NRG1: variants seen among roughly 807,000 people sequenced by gnomAD.
NRG1 encodes the protein neuregulin 1.
In NRG1, 18 loss-of-function variants were observed where a neutral mutation model predicts 63.8. The ratio of observed to expected loss-of-function variants is 0.28; its 90% CI spans 0.19 to 0.42. NRG1 has a LOEUF of 0.42. NRG1 is among the 10% of genes least tolerant of loss of function. NRG1 has a pLI of 1.00. For missense variants in NRG1, 762 were observed against 814.7 expected (o/e 0.94, Z 0.79); for synonymous variants, 302 against 301.3 (o/e 1.00, Z -0.02).
At chr8:32,474,309 A>C (rs1824207901) in intron 1 of NRG1, among the ~76,000 whole-genome samples, 1 of 152,192 alleles carries the variant, frequency 6.6e-6, no homozygotes, top group African/African-American at 2.4e-5. Context: ...TATGGTAAGA[A>C]GAGTTTTTCT....
intron 1 of NRG1, among the ~76,000 whole-genome samples, chr8:32,277,064 C>T (rs1448711146): frequency 1.3e-5 from 2 of 152,198 alleles, no homozygotes; most frequent in East Asian, 1.9e-4. Flanking sequence ...TCATCTGCCT[C>T]ATTCCTGAAT....
At chr8:31,871,650 CA>C (rs1281528902) in intron 1 of NRG1, among the ~76,000 whole-genome samples, 1 of 151,630 alleles carries the variant, frequency 6.6e-6, no homozygotes, top group Admixed American at 6.6e-5. Context: ...CAAAACAAAC[CA>C]AAAAAACTGC....
At chr8:32,502,342 G>A (rs73579862) in intron 1 of NRG1, among the ~76,000 whole-genome samples, 4,686 of 150,508 alleles carry the variant, frequency 0.031, 90 homozygotes, top group African/African-American at 0.049. Context: ...AAACGTTCTT[G>A]AGAAATCTGC....
chr8:31,646,668 A>G (rs545436937), intron 1 of NRG1, among the ~76,000 whole-genome samples: 1 of 152,366 alleles, frequency 6.6e-6, no homozygotes, highest in African/African-American at 2.4e-5. Context: ...ATAGACACAT[A>G]GAGTTTGATT....
intron 1 of NRG1, among the ~76,000 whole-genome samples, chr8:32,230,070 T>C (rs1846757828): frequency 1.3e-5 from 2 of 152,112 alleles, no homozygotes; most frequent in Admixed American, 1.3e-4. Flanking sequence ...AGGAGGAATA[T>C]ATTATTGTTA....
intron 1 of NRG1, among the ~76,000 whole-genome samples, chr8:32,073,996 A>G (rs943984043): frequency 6.6e-6 from 1 of 152,186 alleles, no homozygotes; most frequent in Non-Finnish European, 1.5e-5. Flanking sequence ...ACATTGTACA[A>G]GTATCACTAG....
At chr8:31,979,669 ATTTTAAGCACCTTGAGGACAAATATTG>A (rs1400108115) in intron 1 of NRG1, among the ~76,000 whole-genome samples, 1 of 152,102 alleles carries the variant, frequency 6.6e-6, no homozygotes, top group Non-Finnish European at 1.5e-5. Context: ...CCCAAACTAG[ATTTTAAGCACCTTGAGGACAAATATTG>A]CCTCATATGC....
intron 1 of NRG1, among the ~76,000 whole-genome samples, chr8:32,043,384 A>T (rs1302629038): frequency 2.0e-5 from 3 of 152,068 alleles, no homozygotes; most frequent in African/African-American, 7.2e-5. Context: ...ACATTCTCAG[A>T]TTAAAAACAA....
rs543178093 is a variant in NRG1, at chr8:31,778,249, GACCCT to G, written c.37+138821_37+138825del. Among the ~76,000 whole-genome samples, 146 of 152,238 alleles carry G rather than the reference GACCCT, an allele frequency of 9.6e-4. 1 individual carries two copies. Among genetic ancestry groups the G allele is most frequent in the South Asian group, 1.9e-3 (9 of 4,814 alleles). ...AATGCCACTACTGAGCCTCTGCACT[GACCCT>G]ACGGCTTCCTGTCGTACTCTCTGCA... On this transcript the variant is annotated intron_variant, in intron 1 of 10. Transcript: ENST00000519301.
chr8:32,600,623 A>G (rs988041227), intron 2 of NRG1, among the ~76,000 whole-genome samples: 1 of 152,106 alleles, frequency 6.6e-6, no homozygotes, highest in Admixed American at 6.6e-5. Context: ...ACTTCACATT[A>G]ATTTATTTTT....
intron 1 of NRG1, among the ~76,000 whole-genome samples, chr8:32,242,422 C>T (rs1340243986): frequency 2.0e-5 from 3 of 151,908 alleles, no homozygotes; most frequent in Non-Finnish European, 4.4e-5. Flanking sequence ...TGCAGTGAGC[C>T]GAGATCGTGC....
chr8:32,088,161 A>G (rs1417718392), intron 1 of NRG1, among the ~76,000 whole-genome samples: 1 of 152,214 alleles, frequency 6.6e-6, no homozygotes. Context: ...ATAGCCCTTC[A>G]CAAACCCCTT....
rs138874200 is a variant in NRG1 at position 31,958,513 on chromosome 8, A to C, written c.37+319082A>C. ...GGTACAAGATGTAGACTTGCTTAGG[A>C]GACAAAGACCAGCATAAACTTTTGA... On this transcript the variant is annotated intron_variant, in intron 1 of 10. Transcript: ENST00000519301. Among the ~76,000 whole-genome samples the C allele has an allele frequency of 6.3e-3, 965 of 152,244 alleles. 13 individuals are homozygous for C. Among genetic ancestry groups the C allele is most frequent in the African/African-American group, 0.022 (902 of 41,542 alleles).
chr8:31,997,321 C>T (rs535010292), intron 1 of NRG1, among the ~76,000 whole-genome samples: 1 of 151,596 alleles, frequency 6.6e-6, no homozygotes, highest in South Asian at 2.1e-4. Context: ...ACTTAAAATG[C>T]CTATGCTATC....
rs111825178 is a variant in NRG1 at position 32,487,058 on chromosome 8, T to A, written c.38-108770T>A. On this transcript the variant is annotated intron_variant, in intron 1 of 10. Coordinates refer to the NRG1 transcript ENST00000519301. ...AGTAAGCAAATAAATCATATTTTTT[T>A]AATTAAAAACATATAAAGTACATTT... 1.1e-3 allele frequency among the ~76,000 whole-genome samples: 162 copies of A among 152,230 alleles called. 2 individuals carry two copies. Among genetic ancestry groups the A allele is most frequent in the Admixed American group, 3.3e-3 (51 of 15,282 alleles).
At chr8:31,972,042 T>A (rs1177534648) in intron 1 of NRG1, among the ~76,000 whole-genome samples, 1 of 152,210 alleles carries the variant, frequency 6.6e-6, no homozygotes, top group African/African-American at 2.4e-5. Flanking sequence ...CTCGCACGCA[T>A]ACACACATGC....
intron 1 of NRG1, among the ~76,000 whole-genome samples, chr8:32,270,523 G>A (rs1255953653): frequency 1.3e-5 from 2 of 152,224 alleles, no homozygotes; most frequent in Non-Finnish European, 2.9e-5. Flanking sequence ...ATGGGTACTT[G>A]TGAGGCAAAA....
chr8:32,727,707 C>T (rs1204060530), intron 5 of NRG1, among the ~76,000 whole-genome samples: 1 of 152,138 alleles, frequency 6.6e-6, no homozygotes, highest in African/African-American at 2.4e-5. Flanking sequence ...AAATGTTGAG[C>T]CTCTTTTCCT....
chr8:31,713,109 ATTTTT>A (rs11304829), intron 1 of NRG1, among the ~76,000 whole-genome samples: 2 of 86,042 alleles, frequency 2.3e-5, no homozygotes, highest in African/African-American at 7.9e-5. Flanking sequence ...ACTCCTTCTA[ATTTTT>A]TTTTTTTTTT....
Sources: allele counts gnomAD v4.1 joint callset (sites outside exome capture counted in the v4.1 genomes callset), GRCh38; gene constraint gnomAD v4.1.1; transcripts MANE v1.5; gene names NCBI Gene and HGNC (gene_info 2026-07-23, HGNC 2026-07-21).